TMEM156: variants seen among roughly 807,000 people sequenced by gnomAD.
TMEM156 encodes transmembrane protein 156.
In TMEM156, 28 loss-of-function variants were observed where a neutral mutation model predicts 30.5. The observed-to-expected ratio is 0.92, with a 90% CI of 0.68 to 1.26. The LOEUF (loss-of-function observed/expected upper bound fraction) is 1.26, where lower values mean the gene tolerates loss of function less well. TMEM156 is among the 50% of genes most tolerant of loss of function. The probability of loss-of-function intolerance (pLI) is 0.00; values close to 1 mark genes in which losing one functional copy is unlikely to be tolerated. For synonymous variants in TMEM156, 137 were observed against 119.9 expected, an observed-to-expected ratio of 1.14 and a Z score of -0.93; for missense variants, 351 against 340.6, an observed-to-expected ratio of 1.03 and a Z score of -0.24.
chr4:39,014,147 G>A (rs1195536976), intron 1 of TMEM156, among the ~76,000 whole-genome samples: 2 of 151,978 alleles, frequency 1.3e-5, no homozygotes, highest in African/African-American at 4.8e-5. Flanking sequence ...AAACAAAAGA[G>A]GCTGTAAAAG....
At chr4:38,989,633 T>C (rs1235389514) in intron 3 of TMEM156, among the ~76,000 whole-genome samples, 1 of 152,140 alleles carries the variant, frequency 6.6e-6, no homozygotes, top group East Asian at 1.9e-4. Flanking sequence ...ATGGGAAGGA[T>C]GTTCACCATG....
chr4:38,974,399 G>A (rs894621255), intron 5 of TMEM156, among the ~76,000 whole-genome samples: 1 of 151,394 alleles, frequency 6.6e-6, no homozygotes, highest in African/African-American at 2.4e-5. Context: ...ATCTTTCTTG[G>A]ATTTGAATAT....
chr4:38,975,384 CTTTTT>C (rs10711049), intron 5 of TMEM156, among the ~76,000 whole-genome samples: 1 of 97,562 alleles, frequency 1.0e-5, no homozygotes. Context: ...TTTTTCTTTT[CTTTTT>C]TTTTTTTTTT....
intron 4 of TMEM156, among the ~76,000 whole-genome samples, chr4:38,987,622 T>A (rs1712098578): frequency 6.6e-6 from 1 of 152,218 alleles, no homozygotes; most frequent in African/African-American, 2.4e-5. Context: ...TGGGAAATCA[T>A]ACAACCACCA....
At chr4:39,012,019 G>A (rs1714156950) in intron 1 of TMEM156, among the ~76,000 whole-genome samples, 1 of 152,162 alleles carries the variant, frequency 6.6e-6, no homozygotes, top group South Asian at 2.1e-4. Context: ...TTCCCAAAGT[G>A]GGAAGGGAGG....
chr4:38,970,927 T>C lies in TMEM156; in HGVS notation c.*38+105A>G, dbSNP rs1722566933. 5.7e-6 allele frequency: 4 copies of C among 699,766 alleles called. No individual in the cohort carries two copies. In the Admixed American group the frequency reaches 1.2e-4, roughly 21 times the overall value. 43.3% of individuals were successfully genotyped at this position (699,766 alleles called of 1,614,324 possible). ...TGAACTGACTTTGCAAATTCATCAT[T>C]TTCTACCTCCTACCAGATAGAAATG... On this transcript the variant is annotated intron_variant, in intron 6 of 6. Transcript: ENST00000381938.
intron 1 of TMEM156, among the ~76,000 whole-genome samples, chr4:39,025,493 T>C (rs2110066892): frequency 6.6e-6 from 1 of 152,134 alleles, no homozygotes; most frequent in South Asian, 2.1e-4. Context: ...AAACATATCA[T>C]ATTGTGTATG....
chr4:38,976,351 C>T (rs927759377), intron 5 of TMEM156, among the ~76,000 whole-genome samples: 1 of 151,412 alleles, frequency 6.6e-6, no homozygotes, highest in East Asian at 1.9e-4. Flanking sequence ...GACAGGGACT[C>T]CTGGTGGTGA....
intron 5 of TMEM156, among the ~76,000 whole-genome samples, chr4:38,976,325 C>T (rs1347070052): frequency 6.7e-6 from 1 of 148,562 alleles, no homozygotes; most frequent in Non-Finnish European, 1.5e-5. Context: ...AACTGCCATG[C>T]TGTGAAATGC....
chr4:39,007,709 G>A (rs1456841947), intron 1 of TMEM156, among the ~76,000 whole-genome samples: 4 of 151,854 alleles, frequency 2.6e-5, no homozygotes, highest in Admixed American at 2.0e-4. Flanking sequence ...TGCCTGCCTC[G>A]GCCTCCCAAA....
At chr4:38,990,830 G>GTTTTTTTTTTTTGTTTTGTTTTGTTT (rs1560365255) in intron 3 of TMEM156, among the ~76,000 whole-genome samples, 2 of 81,216 alleles carry the variant, frequency 2.5e-5, no homozygotes, top group Non-Finnish European at 4.8e-5. Context: ...TTGTTTTCTG[G>GTTTTTTTTTTTTGTTTTGTTTTGTTT]TTTTTTTTTT....
At chr4:38,969,609 A>G (rs1722501069) in intron 6 of TMEM156, among the ~76,000 whole-genome samples, 1 of 152,004 alleles carries the variant, frequency 6.6e-6, no homozygotes, top group African/African-American at 2.4e-5. Flanking sequence ...GTTTTTTAAG[A>G]CATGGTCTCA....
chr4:39,026,942 A>G (rs1391927930), intron 1 of TMEM156, among the ~76,000 whole-genome samples: 1 of 152,144 alleles, frequency 6.6e-6, no homozygotes, highest in Non-Finnish European at 1.5e-5. Context: ...TAAATAAATA[A>G]ATAAAAATTT....
chr4:38,985,091 AG>A lies in TMEM156; in HGVS notation c.823+1244del, dbSNP rs551959297. On this transcript the variant is annotated intron_variant, in intron 5 of 6. Coordinates refer to ENST00000381938, the MANE Select transcript of TMEM156 (RefSeq NM_024943.3). Reference sequence around the variant, plus strand: ...ACCAGAATTCCTAAGGTGACCAAAAAGCCCCACAGAACTGTGTTAAAACTGT... The same window carrying A: ...ACCAGAATTCCTAAGGTGACCAAAAACCCCACAGAACTGTGTTAAAACTGT... 3.9e-3 allele frequency among the ~76,000 whole-genome samples: 598 copies of A among 152,362 alleles called. 2 individuals carry two copies. Among genetic ancestry groups the A allele is most frequent in the Middle Eastern group, 6.8e-3 (2 of 294 alleles).
intron 1 of TMEM156, among the ~76,000 whole-genome samples, chr4:39,031,442 ATTTTCAAAATATATAAACGCTTTTTC>A (rs1488288803): frequency 1.3e-5 from 2 of 152,194 alleles, no homozygotes; most frequent in African/African-American, 4.8e-5. Context: ...TTTTGATTGT[ATTTTCAAAATATATAAACGCTTTTTC>A]TTGTCAAAAG....
intron 5 of TMEM156, among the ~76,000 whole-genome samples, chr4:38,983,061 G>GTA (rs1049655498): frequency 3.3e-5 from 5 of 152,160 alleles, no homozygotes; most frequent in Admixed American, 2.6e-4. Flanking sequence ...AAGCTGCAGG[G>GTA]TAGTCATAGG....
intron 1 of TMEM156, among the ~76,000 whole-genome samples, chr4:39,030,668 G>T (rs1225229155): frequency 6.6e-6 from 1 of 152,084 alleles, no homozygotes; most frequent in African/African-American, 2.4e-5. Context: ...AGTCATTTTT[G>T]GGATGATTAC....
chr4:39,030,654 A>G (rs544782628), intron 1 of TMEM156, among the ~76,000 whole-genome samples: 4 of 152,350 alleles, frequency 2.6e-5, no homozygotes, highest in African/African-American at 7.2e-5. Flanking sequence ...CCAATAGTTA[A>G]TTAAGTCATT....
At chr4:38,973,323 A>G (rs1722696174) in intron 5 of TMEM156, among the ~76,000 whole-genome samples, 1 of 152,162 alleles carries the variant, frequency 6.6e-6, no homozygotes, top group African/African-American at 2.4e-5. Context: ...ATCTTTATAT[A>G]TTCGTCTTCC....
Sources: allele counts gnomAD v4.1 joint callset (sites outside exome capture counted in the v4.1 genomes callset), GRCh38; gene constraint gnomAD v4.1.1; transcripts MANE v1.5; gene names NCBI Gene and HGNC (gene_info 2026-07-23, HGNC 2026-07-21).